Variants in CELF2 observed in about 807,000 individuals in gnomAD.
CELF2 encodes the protein CUG triplet repeat RNA-binding protein 2.
In CELF2, 8 loss-of-function variants were observed where a neutral mutation model predicts 62.6. That is an observed-to-expected ratio of 0.13 (90% CI 0.07 to 0.23). CELF2 has a LOEUF of 0.23. Ranked by LOEUF, CELF2 falls within the 10% of genes least tolerant of loss-of-function variation. CELF2 has a pLI of 1.00. For missense variants in CELF2, 333 were observed against 671.0 expected (o/e 0.50, Z 5.56); for synonymous variants, 258 against 250.0 (o/e 1.03, Z -0.30).
At chr10:10,818,397 GT>G (rs2056670797) in intron 1 of CELF2, among the ~76,000 whole-genome samples, 1 of 152,112 alleles carries the variant, frequency 6.6e-6, no homozygotes, top group Non-Finnish European at 1.5e-5. Flanking sequence ...ATTAGATGAC[GT>G]TCTGCTTCCA....
intron 1 of CELF2, among the ~76,000 whole-genome samples, chr10:11,078,410 A>G (rs1276665030): frequency 3.3e-5 from 5 of 152,182 alleles, no homozygotes; most frequent in South Asian, 2.1e-4. Context: ...AACGAGTTCT[A>G]CCTATAACAG....
chr10:10,514,798 T>A, the CELF2 span, among the ~76,000 whole-genome samples: 1 of 152,126 alleles, frequency 6.6e-6, no homozygotes, highest in African/African-American at 2.4e-5. Flanking sequence ...CCAGAGATTG[T>A]TTAATCCATG....
At chr10:11,162,607 T>TG (rs5783192) in intron 1 of CELF2, among the ~76,000 whole-genome samples, 5,885 of 140,216 alleles carry the variant, frequency 0.042, 267 homozygotes, top group African/African-American at 0.11. Context: ...TAAACTGGGG[T>TG]GGGGGGGGTG....
chr10:11,088,962 G>C, intron 1 of CELF2, among the ~76,000 whole-genome samples: 1 of 152,214 alleles, frequency 6.6e-6, no homozygotes, highest in Non-Finnish European at 1.5e-5. Context: ...CCTCTCCCGT[G>C]CGTTGGGCTG....
chr10:10,574,859 G>A, the CELF2 span, among the ~76,000 whole-genome samples: 10,777 of 143,006 alleles, frequency 0.075, 546 homozygotes, highest in Middle Eastern at 0.16. Flanking sequence ...ACAGATGCCC[G>A]CCACCATGCC....
In CELF2 at chr10:11,280,057, T is replaced by C. The variant is rs1372030297; in HGVS notation, c.841+4937T>C. ...CCAAGCACGCGCCCTTGCCTCTCGGTCTGGTGCCCTTTCAGGATGAGCGTG... is the reference window on the plus strand; with the variant it reads ...CCAAGCACGCGCCCTTGCCTCTCGGCCTGGTGCCCTTTCAGGATGAGCGTG... On this transcript the variant is annotated intron_variant, in intron 8 of 12. Coordinates refer to ENST00000633077, the MANE Select transcript of CELF2 (RefSeq NM_001326342.2). The surrounding 1 kb of genome is among the most constrained non-coding windows in gnomAD (Gnocchi z 7.6). 6.6e-6 allele frequency among the ~76,000 whole-genome samples: 1 copy of C among 152,158 alleles called. No individual in the cohort carries two copies. Among genetic ancestry groups the C allele is most frequent in the Non-Finnish European group, 1.5e-5 (1 of 68,040 alleles).
At chr10:10,832,123 C>T (rs933648290) in intron 1 of CELF2, among the ~76,000 whole-genome samples, 1 of 151,294 alleles carries the variant, frequency 6.6e-6, no homozygotes, top group Non-Finnish European at 1.5e-5. Flanking sequence ...CAAAAATTAG[C>T]CGGGAGTGGT....
chr10:10,636,916 CAA>C, the CELF2 span, among the ~76,000 whole-genome samples: 6 of 152,180 alleles, frequency 3.9e-5, no homozygotes, highest in South Asian at 1.2e-3. Context: ...TATTAAGACA[CAA>C]GTTTTTAAAC....
chr10:10,486,961 A>T, the CELF2 span, among the ~76,000 whole-genome samples: 1 of 152,178 alleles, frequency 6.6e-6, no homozygotes, highest in Non-Finnish European at 1.5e-5. Context: ...TTCCTATCCC[A>T]TCTCTTCATT....
chr10:10,525,001 T>A, the CELF2 span, among the ~76,000 whole-genome samples: 3 of 152,196 alleles, frequency 2.0e-5, no homozygotes, highest in Admixed American at 6.5e-5. Flanking sequence ...TACATATAGG[T>A]GTACACTGTC....
intron 1 of CELF2, among the ~76,000 whole-genome samples, chr10:11,028,916 A>G (rs1336765133): frequency 1.3e-5 from 2 of 150,246 alleles, no homozygotes; most frequent in African/African-American, 2.5e-5. Flanking sequence ...GTTTCACCAT[A>G]TTGGCCAGGC....
At chr10:11,258,210 A>G (rs2079396143) in intron 5 of CELF2, among the ~76,000 whole-genome samples, 1 of 152,188 alleles carries the variant, frequency 6.6e-6, no homozygotes, top group Non-Finnish European at 1.5e-5. Context: ...GAGAAAGGAT[A>G]TTTGTTGTTT....
At chr10:11,240,181 G>T (rs1014707980) in intron 3 of CELF2, among the ~76,000 whole-genome samples, 6 of 152,220 alleles carry the variant, frequency 3.9e-5, no homozygotes, top group Non-Finnish European at 7.3e-5. Context: ...GGCATCTTCA[G>T]AGGGTAACAG....
At chr10:10,521,363 A>G in the CELF2 span, among the ~76,000 whole-genome samples, 1 of 152,178 alleles carries the variant, frequency 6.6e-6, no homozygotes, top group Non-Finnish European at 1.5e-5. Flanking sequence ...AGCCTCCAAA[A>G]TGCCTGGGAA....
At chr10:11,086,586 A>AC (rs1564675955) in intron 1 of CELF2, among the ~76,000 whole-genome samples, 1 of 73,122 alleles carries the variant, frequency 1.4e-5, no homozygotes, top group African/African-American at 6.4e-5. Flanking sequence ...GTTAAAAAAA[A>AC]AAAAAAAAAA....
chr10:10,747,296 G>C, the CELF2 span, among the ~76,000 whole-genome samples: 153 of 152,280 alleles, frequency 1.0e-3, 1 homozygote, highest in African/African-American at 3.4e-3. Flanking sequence ...AAGAAGCCTT[G>C]TCCTAGACAC....
chr10:11,044,103 C>T (rs187054331), intron 1 of CELF2, among the ~76,000 whole-genome samples: 109 of 152,340 alleles, frequency 7.2e-4, no homozygotes, highest in African/African-American at 2.5e-3. Context: ...TCGCCTCATC[C>T]AAAGGCGGTC....
chr10:10,883,029 A>C (rs975103001), intron 1 of CELF2, among the ~76,000 whole-genome samples: 6 of 152,212 alleles, frequency 3.9e-5, no homozygotes, highest in African/African-American at 7.2e-5. Flanking sequence ...CACACTTATT[A>C]ATTAAGATAA....
chr10:10,468,304 C>T, the CELF2 span, among the ~76,000 whole-genome samples: 3 of 151,956 alleles, frequency 2.0e-5, no homozygotes, highest in Non-Finnish European at 4.4e-5. Flanking sequence ...AAAACTGTTG[C>T]CATGACCTTT....
Sources: gnomAD v4.1 joint callset for allele counts (sites outside exome capture counted in the v4.1 genomes callset) on GRCh38, gnomAD v4.1.1 for gene constraint, Gnocchi (gnomAD v3.1) non-coding constraint, MANE v1.5 for transcripts, NCBI Gene and HGNC (gene_info 2026-07-23, HGNC 2026-07-21) for gene names.